Variants in CUEDC1 observed in about 807,000 individuals in gnomAD.
The protein encoded by CUEDC1 is CUE domain-containing protein 1.
CUEDC1 carries 30 observed loss-of-function variants against 43.7 expected under a neutral mutation model. The ratio of observed to expected loss-of-function variants is 0.69; its 90% confidence interval spans 0.51 to 0.93. The LOEUF is 0.93. Ranked by LOEUF, CUEDC1 falls within the 40% of genes least tolerant of loss-of-function variation. The pLI, the probability that CUEDC1 is intolerant of heterozygous loss-of-function variation, is 0.00. For synonymous variants in CUEDC1, 223 were observed against 223.6 expected, an observed-to-expected ratio of 1.00 and a Z score of 0.02; for missense variants, 486 against 549.0, an observed-to-expected ratio of 0.89 and a Z score of 1.15.
At chr17:57,888,532 T>C (rs950145498) in intron 1 of CUEDC1, among the ~76,000 whole-genome samples, 1 of 152,180 alleles carries the variant, frequency 6.6e-6, no homozygotes, top group Non-Finnish European at 1.5e-5. Flanking sequence ...AGAAGGAACA[T>C]AGGAAGGTAG....
chr17:57,911,719 ACTCAAGTGATCTCCTGAT>A (rs1310150056), intron 1 of CUEDC1, among the ~76,000 whole-genome samples: 7 of 151,926 alleles, frequency 4.6e-5, no homozygotes, highest in Non-Finnish European at 8.8e-5. Flanking sequence ...GCCAGGCCTG[ACTCAAGTGATCTCCTGAT>A]CTCAAGTGAT....
At chr17:57,888,454 G>A (rs956563940) in intron 1 of CUEDC1, among the ~76,000 whole-genome samples, 1 of 152,158 alleles carries the variant, frequency 6.6e-6, no homozygotes, top group South Asian at 2.1e-4. Flanking sequence ...GCCCAGAGAC[G>A]CCCAAGCCAT....
intron 1 of CUEDC1, among the ~76,000 whole-genome samples, chr17:57,945,179 G>T (rs1244922588): frequency 6.6e-6 from 1 of 152,086 alleles, no homozygotes; most frequent in Non-Finnish European, 1.5e-5. Flanking sequence ...TAGCAGCCAG[G>T]CTACAGAAAT....
At chr17:57,923,559 C>T (rs1383343050) in intron 1 of CUEDC1, among the ~76,000 whole-genome samples, 4 of 152,206 alleles carry the variant, frequency 2.6e-5, no homozygotes, top group Non-Finnish European at 2.9e-5. Context: ...ACAGCATGGC[C>T]TGCCTTGGCT....
chr17:57,932,478 G>A (rs563794466), intron 1 of CUEDC1, among the ~76,000 whole-genome samples: 5 of 149,802 alleles, frequency 3.3e-5, no homozygotes, highest in South Asian at 2.1e-4. Flanking sequence ...CCAGTTACTC[G>A]GGAGGCCGAG....
chr17:57,931,651 C>T (rs772988913), intron 1 of CUEDC1, among the ~76,000 whole-genome samples: 1 of 152,136 alleles, frequency 6.6e-6, no homozygotes, highest in Non-Finnish European at 1.5e-5. Context: ...TTGATGGTGG[C>T]TGACAGATCT....
chr17:57,935,945 C>G (rs955435588), intron 1 of CUEDC1, among the ~76,000 whole-genome samples: 13 of 152,242 alleles, frequency 8.5e-5, no homozygotes, highest in African/African-American at 3.1e-4. Context: ...GGGGACTTGA[C>G]CAGCCCTGTC....
chr17:57,882,436 G>C (rs941187990), intron 2 of CUEDC1, among the ~76,000 whole-genome samples: 2 of 152,142 alleles, frequency 1.3e-5, no homozygotes, highest in African/African-American at 4.8e-5. Context: ...CCTTGCAGAG[G>C]TCTATAGGAC....
At chr17:57,871,157 G>A in intron 6 of CUEDC1, 129 bp downstream of exon 6, 3 of 746,462 alleles carry the variant, frequency 4.0e-6, no homozygotes, top group Non-Finnish European at 7.2e-6. Context: ...CCAGCCTGCT[G>A]AGGAGGCCCA....
At chr17:57,897,900 C>T (rs767325182) in intron 1 of CUEDC1, among the ~76,000 whole-genome samples, 33 of 152,070 alleles carry the variant, frequency 2.2e-4, no homozygotes, top group Non-Finnish European at 3.1e-4. Context: ...GTAATCTCAG[C>T]GACTCAGGAG....
intron 1 of CUEDC1, among the ~76,000 whole-genome samples, chr17:57,937,881 G>A (rs1345090371): frequency 6.6e-6 from 1 of 152,068 alleles, no homozygotes; most frequent in Non-Finnish European, 1.5e-5. Flanking sequence ...CACTCCAGCT[G>A]GGACGACAGA....
chr17:57,937,869 T>A (rs530742818), intron 1 of CUEDC1, among the ~76,000 whole-genome samples: 2 of 152,234 alleles, frequency 1.3e-5, no homozygotes, highest in Non-Finnish European at 2.9e-5. Flanking sequence ...ATGGTGCTAC[T>A]GCACTCCAGC....
intron 5 of CUEDC1, among the ~76,000 whole-genome samples, chr17:57,871,889 A>C (rs2074039330): frequency 6.6e-6 from 1 of 152,264 alleles, no homozygotes. Flanking sequence ...GAGCCACTGC[A>C]CTTCAGCCTG....
chr17:57,931,693 G>T (rs138492742), intron 1 of CUEDC1, among the ~76,000 whole-genome samples: 1 of 152,210 alleles, frequency 6.6e-6, no homozygotes, highest in Admixed American at 6.5e-5. Context: ...GCCAAGAAAG[G>T]CCTGAGGGTT....
intron 1 of CUEDC1, among the ~76,000 whole-genome samples, chr17:57,909,182 C>T (rs1033356876): frequency 5.9e-5 from 9 of 151,928 alleles, no homozygotes; most frequent in Non-Finnish European, 4.4e-5. Flanking sequence ...TCTGTCATGG[C>T]GAGACGGGGT....
At position 57,862,041 on chromosome 17, in the gene CUEDC1, G is replaced by A. The variant is rs1409836889; in HGVS notation, c.*1248C>T. ...GCCTTCGCTACGCCCTTGTGATCTT[G>A]GGGCCACGGAGGCCACCAGGGCCCG... On this transcript the variant is annotated 3_prime_UTR_variant, in exon 11 of 11. Transcript: ENST00000577830. The A allele has an allele frequency of 6.6e-6, 1 of 152,230 alleles. No individual in the cohort carries two copies. Among genetic ancestry groups the A allele is most frequent in the African/African-American group, 2.4e-5 (1 of 41,472 alleles). The allele number at this position is 152,230 out of a possible 1,614,324, so 9.4% of individuals were successfully genotyped here.
intron 1 of CUEDC1, chr17:57,922,621 C>G (rs1027071130): frequency 2.6e-5 from 4 of 152,126 alleles, no homozygotes; most frequent in Non-Finnish European, 4.4e-5. Context: ...ATTTAAGTGG[C>G]CTTAGGTGAC....
chr17:57,898,321 G>A (rs975756669), intron 1 of CUEDC1, among the ~76,000 whole-genome samples: 3 of 152,162 alleles, frequency 2.0e-5, no homozygotes, highest in Non-Finnish European at 2.9e-5. Flanking sequence ...AACAGGGCTG[G>A]GGGTCTGGCC....
intron 1 of CUEDC1, among the ~76,000 whole-genome samples, chr17:57,890,996 A>G (rs1205557008): frequency 6.6e-6 from 1 of 152,208 alleles, no homozygotes; most frequent in Non-Finnish European, 1.5e-5. Flanking sequence ...AATAAGCACC[A>G]GTGACACAGG....
Sources: allele counts gnomAD v4.1 joint callset (sites outside exome capture counted in the v4.1 genomes callset), GRCh38; gene constraint gnomAD v4.1.1; transcripts MANE v1.5; gene names NCBI Gene and HGNC (gene_info 2026-07-23, HGNC 2026-07-21).